MGST1: variants seen among roughly 807,000 people sequenced by gnomAD.
The protein encoded by MGST1 is microsomal glutathione S-transferase 1, also known as glutathione S-transferase 12.
MGST1 carries 5 observed loss-of-function variants against 8.9 expected under a neutral mutation model. That is an observed-to-expected ratio of 0.56 (90% CI 0.29 to 1.19). The LOEUF is 1.19. Ranked by LOEUF, MGST1 falls within the 50% of genes most tolerant of loss-of-function variation. The pLI is 0.08. For missense variants in MGST1, 182 were observed against 187.4 expected, an observed-to-expected ratio of 0.97 and a Z score of 0.17; for synonymous variants, 54 against 67.8, an observed-to-expected ratio of 0.80 and a Z score of 1.00.
At chr12:16,357,077 A>G (rs1196986801) in intron 2 of MGST1, among the ~76,000 whole-genome samples, 4 of 152,064 alleles carry the variant, frequency 2.6e-5, no homozygotes, top group Non-Finnish European at 4.4e-5. Flanking sequence ...TCAAGTTCTT[A>G]TTTATGCTTC....
Position 16,359,866 on chromosome 12 carries a change from A to G in MGST1, c.221+2167A>G, listed in dbSNP as rs9332925. 2.8e-4 allele frequency among the ~76,000 whole-genome samples: 42 copies of G among 152,266 alleles called. No homozygotes were observed. In the South Asian group the frequency reaches 7.9e-3, roughly 29 times the overall value. ...CCTGTGTGAAAGCGTAACAAAAGAT[A>G]TTTTATTTGGGGATTTTAGATTCCT... On this transcript the variant is annotated intron_variant, in intron 3 of 3. Transcript: ENST00000396210.
Position 16,544,098 on chromosome 12 carries a change from C to G in MGST1, n.483-45430C>G, listed in dbSNP as rs1941807978. ...TCAGGTTGAGTATTCCTTTCTGGAA[C>G]AGTTCACAGCATCTTACTGTGCTGC... On this transcript the variant is annotated intron_variant and non_coding_transcript_variant, in intron 4 of 4. Coordinates refer to the MGST1 transcript ENST00000538857. The surrounding 1 kb of genome is among the most constrained non-coding windows in gnomAD (Gnocchi z 4.8). 6.6e-6 allele frequency among the ~76,000 whole-genome samples: 1 copy of G among 151,986 alleles called. No individual in the cohort carries two copies. The highest frequency in any genetic ancestry group is 1.5e-5 in the Non-Finnish European group (1 of 67,976).
rs947626624 is a variant in MGST1, at chr12:16,576,176, G to A, written n.483-13352G>A. 2.6e-5 allele frequency among the ~76,000 whole-genome samples: 4 copies of A among 152,066 alleles called. No homozygotes were observed. The highest frequency in any genetic ancestry group is 1.9e-4 in the East Asian group (1 of 5,186). On this transcript the variant is annotated intron_variant and non_coding_transcript_variant, in intron 4 of 4. Transcript: ENST00000538857. This position sits in a 1 kb window ranked among gnomAD's most constrained non-coding sequence, Gnocchi z 4.1. The stretch of plus-strand genomic sequence containing the variant: ...GCTGTCCGCCTTCCACTCTGCAGCC[G>A]GTAGCCTTTCTATAACACAGCTCCA...
At chr12:16,447,623 G>A (rs1253892742) in intron 4 of MGST1, among the ~76,000 whole-genome samples, 3 of 151,910 alleles carry the variant, frequency 2.0e-5, no homozygotes, top group East Asian at 1.9e-4. Context: ...AGGGCCCCAA[G>A]CTTGGCATAA....
intron 4 of MGST1, among the ~76,000 whole-genome samples, chr12:16,509,992 T>G (rs1941565918): frequency 6.6e-6 from 1 of 152,216 alleles, no homozygotes; most frequent in Non-Finnish European, 1.5e-5. Flanking sequence ...GATGAAATTT[T>G]ATAAGAATTA....
At chr12:16,412,873 A>G (rs938282523) in intron 1 of MGST1, among the ~76,000 whole-genome samples, 2 of 152,316 alleles carry the variant, frequency 1.3e-5, no homozygotes, top group Non-Finnish European at 2.9e-5. Flanking sequence ...ACTAATACAG[A>G]GCCCTCCTCA....
At chr12:16,446,791 TGG>T (rs1941084192) in intron 4 of MGST1, among the ~76,000 whole-genome samples, 1 of 151,902 alleles carries the variant, frequency 6.6e-6, no homozygotes, top group Admixed American at 6.6e-5. Context: ...TTGTTGATTC[TGG>T]TATCCATCTC....
At position 16,586,719 on chromosome 12, in the gene MGST1, A is replaced by G. The variant is rs534046585; in HGVS notation, n.483-2809A>G. On this transcript the variant is annotated intron_variant and non_coding_transcript_variant, in intron 4 of 4. Coordinates refer to the MGST1 transcript ENST00000538857. This position sits in a 1 kb window ranked among gnomAD's most constrained non-coding sequence, Gnocchi z 4.3. Reference sequence around the variant, plus strand: ...TTTTGACCCCCCATTGCAGTAGATGATGTTTTTTTCCATTTCTCTGGTACT... The same window carrying G: ...TTTTGACCCCCCATTGCAGTAGATGGTGTTTTTTTCCATTTCTCTGGTACT... Among the ~76,000 whole-genome samples, 1 of 152,250 alleles carries G rather than the reference A, an allele frequency of 6.6e-6. No individual in the cohort carries two copies. The highest frequency in any genetic ancestry group is 2.4e-5 in the African/African-American group (1 of 41,562).
At chr12:16,532,394 A>C (rs772000130) in intron 4 of MGST1, among the ~76,000 whole-genome samples, 6 of 152,170 alleles carry the variant, frequency 3.9e-5, no homozygotes, top group Non-Finnish European at 8.8e-5. Context: ...GAGTTAAAAA[A>C]ATTAACATTC....
chr12:16,357,447 T>G (rs374744136), intron 2 of MGST1, 158 bp from the exon 3 acceptor site: 1 of 567,948 alleles, frequency 1.8e-6, no homozygotes. Context: ...TTTAAAAAAA[T>G]TTGTAGATAT....
intron 1 of MGST1, among the ~76,000 whole-genome samples, chr12:16,418,529 C>T (rs1418774739): frequency 1.3e-5 from 2 of 152,156 alleles, no homozygotes; most frequent in African/African-American, 4.8e-5. Flanking sequence ...GTGTCAGGAA[C>T]CAAACTCAGT....
chr12:16,373,076 A>AT (rs1940324254), intron 3 of MGST1, among the ~76,000 whole-genome samples: 2 of 141,130 alleles, frequency 1.4e-5, no homozygotes, highest in Non-Finnish European at 3.1e-5. Flanking sequence ...TTATTTGGCC[A>AT]TAAAAAAAAT....
At chr12:16,383,973 G>T (rs1010888702) in intron 1 of MGST1, among the ~76,000 whole-genome samples, 6 of 152,122 alleles carry the variant, frequency 3.9e-5, no homozygotes, top group Non-Finnish European at 7.4e-5. Context: ...TTACCAAAGG[G>T]AAGAGGAGAG....
intron 4 of MGST1, among the ~76,000 whole-genome samples, chr12:16,474,500 AC>A: frequency 6.6e-6 from 1 of 152,310 alleles, no homozygotes; most frequent in Non-Finnish European, 1.5e-5. Flanking sequence ...AAATTACTCT[AC>A]CCCAAAGCTG....
At chr12:16,419,364 C>G (rs1333439102) in intron 1 of MGST1, among the ~76,000 whole-genome samples, 2 of 152,036 alleles carry the variant, frequency 1.3e-5, no homozygotes, top group African/African-American at 4.8e-5. Context: ...TGTTTCTTCA[C>G]CAGGGGTGGG....
intron 3 of MGST1, among the ~76,000 whole-genome samples, chr12:16,358,760 A>G (rs1248310551): frequency 6.3e-4 from 83 of 132,304 alleles, no homozygotes; most frequent in African/African-American, 2.4e-3. Context: ...GAGCCACCGG[A>G]CCTGGCCAAA....
chr12:16,569,387 A>G (rs980173378), intron 4 of MGST1, among the ~76,000 whole-genome samples: 4 of 152,232 alleles, frequency 2.6e-5, no homozygotes, highest in Non-Finnish European at 4.4e-5. Flanking sequence ...TGGCTGGTCT[A>G]CATAGAATCA....
chr12:16,349,309 A>G (rs1939348473), intron 1 of MGST1, among the ~76,000 whole-genome samples: 1 of 152,108 alleles, frequency 6.6e-6, no homozygotes, highest in African/African-American at 2.4e-5. Context: ...AAAGCCTGTA[A>G]AGGGAAAGGG....
Position 16,586,686 on chromosome 12 carries a change from T to C in MGST1, n.483-2842T>C, listed in dbSNP as rs1943332977. On this transcript the variant is annotated intron_variant and non_coding_transcript_variant, in intron 4 of 4. Transcript: ENST00000538857. The surrounding 1 kb of genome is among the most constrained non-coding windows in gnomAD (Gnocchi z 4.3). ...TACCGTCGGGGTAGAGATTTCAAGA[T>C]ACACATCTTTTGACCCCCCATTGCA... 6.6e-6 allele frequency among the ~76,000 whole-genome samples: 1 copy of C among 152,204 alleles called. No individual in the cohort carries two copies. The highest frequency in any genetic ancestry group is 1.5e-5 in the Non-Finnish European group (1 of 68,036).
Sources: gnomAD v4.1 joint callset for allele counts (sites outside exome capture counted in the v4.1 genomes callset) on GRCh38, gnomAD v4.1.1 for gene constraint, Gnocchi (gnomAD v3.1) non-coding constraint, MANE v1.5 for transcripts, NCBI Gene and HGNC (gene_info 2026-07-23, HGNC 2026-07-21) for gene names.